AHCY: variants seen among roughly 807,000 people sequenced by gnomAD.
The protein encoded by AHCY is adenosylhomocysteinase, also known as S-adenosyl-L-homocysteine hydrolase.
Under a neutral mutation model 45.4 loss-of-function variants are expected in AHCY, and 24 were observed. The ratio of observed to expected loss-of-function variants is 0.53; its 90% CI spans 0.38 to 0.74. The LOEUF is 0.74. AHCY is among the 30% of genes least tolerant of loss of function. AHCY has a pLI of 0.00. For synonymous variants in AHCY, 245 were observed against 235.1 expected, an observed-to-expected ratio of 1.04 and a Z score of -0.39; for missense variants, 449 against 594.1, an observed-to-expected ratio of 0.76 and a Z score of 2.54.
rs756816446 is a variant in AHCY, at chr20:34,290,597, T to C, written c.808A>G (p.Asn270Asp). ...CAGCCTGTGGTGGTGACAAAGATGT[T>C]GCCCTCCTGACAGGCCTCATCCATG... Reference protein sequence around the residue: ...TTMDEACQEGNIFVTTTGCID... With the variant: ...TTMDEACQEGDIFVTTTGCID... Residue 270 changes from asparagine (N) to aspartate (D), a missense_variant, in exon 7 of 10, where the codon AAC (asparagine) becomes GAC (aspartate). Asn to Asp is a conservative substitution (Grantham distance 23). Transcript: ENST00000217426. This position sits in a 1 kb window ranked among gnomAD's most constrained non-coding sequence, Gnocchi z 4.5. 2 of 1,614,068 alleles carry C rather than the reference T, an allele frequency of 1.2e-6. No individual in the cohort carries two copies. Among genetic ancestry groups the C allele is most frequent in the East Asian group, 4.5e-5 (2 of 44,894 alleles).
chr20:34,265,250 C>T, the AHCY span, among the ~76,000 whole-genome samples: 20 of 152,252 alleles, frequency 1.3e-4, no homozygotes, highest in African/African-American at 2.6e-4. Context: ...GGGCCAGGCA[C>T]GGTGGCTCAC....
At chr20:34,277,536 A>G (rs1472549832), downstream of AHCY, among the ~76,000 whole-genome samples, 1 of 151,954 alleles carries the variant, frequency 6.6e-6, no homozygotes, top group East Asian at 1.9e-4. Context: ...GGGAGGCCAA[A>G]GCAGGCAGAT....
intron 9 of AHCY, 94 bp from the exon 10 acceptor site, chr20:34,281,259 G>T: frequency 6.4e-7 from 1 of 1,560,880 alleles, no homozygotes; most frequent in Non-Finnish European, 8.7e-7. Flanking sequence ...TGTTCTGTTA[G>T]GGTTTCTGCC....
chr20:34,258,674 C>CATATATATATATATATATCTATATATAT, the AHCY span, among the ~76,000 whole-genome samples: 1 of 12,146 alleles, frequency 8.2e-5, no homozygotes, highest in Non-Finnish European at 1.2e-4. Flanking sequence ...AGGGGGATGC[C>CATATATATATATATATATCTATATATAT]ATATATATAT....
chr20:34,291,957 C>T (rs2036410864), intron 4 of AHCY, among the ~76,000 whole-genome samples: 1 of 152,262 alleles, frequency 6.6e-6, no homozygotes, highest in Non-Finnish European at 1.5e-5. Flanking sequence ...GGCCCTGACA[C>T]ATCTGGTCTT....
the AHCY span, among the ~76,000 whole-genome samples, chr20:34,257,098 T>C: frequency 6.6e-6 from 1 of 150,970 alleles, no homozygotes; most frequent in East Asian, 1.9e-4. Context: ...TTGTTTTTTG[T>C]TTTTTGAGAC....
rs1053727148 is a variant in AHCY at position 34,283,970 on chromosome 20, G to A, written c.1167+1470C>T. 2.6e-5 allele frequency among the ~76,000 whole-genome samples: 4 copies of A among 152,136 alleles called. No individual in the cohort carries two copies. The East Asian group carries it at 5.8e-4, about 22-fold the overall frequency. On this transcript the variant is annotated intron_variant, in intron 9 of 9. Transcript: ENST00000217426. ...TTAGCTCATAAGGAGACTGAGGATTGGACAGGGTAAGGGACAAAGCAAAGT... is the reference window on the plus strand; with the variant it reads ...TTAGCTCATAAGGAGACTGAGGATTAGACAGGGTAAGGGACAAAGCAAAGT...
chr20:34,287,526 G>A (rs1293165988), intron 8 of AHCY, among the ~76,000 whole-genome samples: 1 of 151,824 alleles, frequency 6.6e-6, no homozygotes, highest in Non-Finnish European at 1.5e-5. Flanking sequence ...GAGTAGCTGG[G>A]ACTATACGCA....
At chr20:34,289,230 G>A (rs776525458) in intron 8 of AHCY, among the ~76,000 whole-genome samples, 4 of 151,970 alleles carry the variant, frequency 2.6e-5, no homozygotes, top group Non-Finnish European at 5.9e-5. Context: ...CTGGAGTGCA[G>A]TGGAACAATC....
At chr20:34,310,734 A>T (rs1162504647) in intron 1 of AHCY, among the ~76,000 whole-genome samples, 1 of 152,222 alleles carries the variant, frequency 6.6e-6, no homozygotes, top group Non-Finnish European at 1.5e-5. Flanking sequence ...ATATAGAATG[A>T]TCTTCAAGAT....
chr20:34,291,305 C>A, intron 5 of AHCY, 114 bp downstream of exon 5: 1 of 1,021,276 alleles, frequency 9.8e-7, no homozygotes, highest in East Asian at 2.4e-5. Context: ...GCTTTTGCCC[C>A]CTCAAATGAG....
chr20:34,250,778 T>C, the AHCY span, among the ~76,000 whole-genome samples: 1 of 152,142 alleles, frequency 6.6e-6, no homozygotes, highest in Non-Finnish European at 1.5e-5. Flanking sequence ...TACACCTCTG[T>C]CTCAGTAGGT....
chr20:34,277,203 G>T (rs985078473), downstream of AHCY, among the ~76,000 whole-genome samples: 1 of 152,172 alleles, frequency 6.6e-6, no homozygotes, highest in African/African-American at 2.4e-5. Context: ...GTCACACAGA[G>T]GTGGGCATGG....
intron 9 of AHCY, among the ~76,000 whole-genome samples, chr20:34,282,508 T>G (rs819133): frequency 0.75 from 114,595 of 152,114 alleles, 46,110 homozygotes; most frequent in Non-Finnish European, 0.89. Context: ...GGGGGTTAGA[T>G]TGTTATGCAG....
At chr20:34,287,302 G>A (rs1203265180) in intron 8 of AHCY, among the ~76,000 whole-genome samples, 3 of 152,128 alleles carry the variant, frequency 2.0e-5, no homozygotes, top group Non-Finnish European at 1.5e-5. Context: ...GATGGATGCT[G>A]CACTAGGGGT....
upstream of AHCY, chr20:34,303,503 A>G (rs2036853345): frequency 1.5e-6 from 1 of 683,430 alleles, no homozygotes; most frequent in African/African-American, 1.8e-5. Context: ...GCGTGGCCCC[A>G]GGAGTCTCAC....
At chr20:34,269,088 G>C in the AHCY span, 1 of 1,577,918 alleles carries the variant, frequency 6.3e-7, no homozygotes, top group Middle Eastern at 1.7e-4. Context: ...GCACCCGCCT[G>C]CTGCGACCCG....
At chr20:34,256,607 T>C in the AHCY span, among the ~76,000 whole-genome samples, 1 of 152,032 alleles carries the variant, frequency 6.6e-6, no homozygotes, top group African/African-American at 2.4e-5. Flanking sequence ...CTGGCCTCTT[T>C]TTCTAGCTCA....
chr20:34,242,296 G>C, the AHCY span, among the ~76,000 whole-genome samples: 1 of 152,020 alleles, frequency 6.6e-6, no homozygotes, highest in African/African-American at 2.4e-5. Flanking sequence ...GCAATGGCAT[G>C]ATCTTGGCTC....
Sources: gnomAD v4.1 joint callset for allele counts (sites outside exome capture counted in the v4.1 genomes callset) on GRCh38, gnomAD v4.1.1 for gene constraint, Gnocchi (gnomAD v3.1) non-coding constraint, MANE v1.5 for transcripts, NCBI Gene and HGNC (gene_info 2026-07-23, HGNC 2026-07-21) for gene names.